The following CERS6 variants were observed in gnomAD, a reference collection of about 807,000 sequenced individuals.
The protein encoded by CERS6 is ceramide synthase 6, also known as LAG1 homolog, ceramide synthase 6.
CERS6 carries 26 observed loss-of-function variants against 56.8 expected under a neutral mutation model. The ratio of observed to expected loss-of-function variants is 0.46; its 90% CI spans 0.34 to 0.63. CERS6 has a LOEUF of 0.63. CERS6 is among the 30% of genes least tolerant of loss of function. The pLI, the probability that CERS6 is intolerant of heterozygous loss-of-function variation, is 0.01. For synonymous variants in CERS6, 164 were observed against 173.3 expected, an observed-to-expected ratio of 0.95 and a Z score of 0.42; for missense variants, 415 against 467.5, an observed-to-expected ratio of 0.89 and a Z score of 1.04.
intron 1 of CERS6, among the ~76,000 whole-genome samples, chr2:168,533,514 T>C (rs1695204413): frequency 6.6e-6 from 1 of 152,224 alleles, no homozygotes; most frequent in South Asian, 2.1e-4. Context: ...GGCATCCTTG[T>C]CTTGTGCCCA....
chr2:168,706,043 G>A (rs145003955), intron 6 of CERS6, among the ~76,000 whole-genome samples: 110 of 152,284 alleles, frequency 7.2e-4, no homozygotes, highest in African/African-American at 2.2e-3. Context: ...TTGTGATTTA[G>A]CAAGGCTCGT....
At chr2:168,528,114 T>A (rs1476440723) in intron 1 of CERS6, among the ~76,000 whole-genome samples, 1 of 152,192 alleles carries the variant, frequency 6.6e-6, no homozygotes, top group African/African-American at 2.4e-5. Flanking sequence ...CTTCCAACAC[T>A]GTTCCATTGG....
intron 4 of CERS6, chr2:168,644,261 A>T (rs1210042468): frequency 2.1e-6 from 2 of 969,768 alleles, no homozygotes; most frequent in Non-Finnish European, 2.5e-6. Flanking sequence ...GTGACTGAGG[A>T]TGAAGGAAGC....
rs1684941530 is a variant in CERS6, at chr2:168,774,265, T to A, written c.*4603T>A. On this transcript the variant is annotated 3_prime_UTR_variant, in exon 10 of 10. Transcript: ENST00000305747. Reference sequence around the variant, plus strand: ...GGACCGTTAAGATCTGTCTTGCTTATCTCATGCACTCACATTCCTTCAGCC... The same window carrying A: ...GGACCGTTAAGATCTGTCTTGCTTAACTCATGCACTCACATTCCTTCAGCC... 2 of 152,232 alleles carry A rather than the reference T, an allele frequency of 1.3e-5. No homozygotes were observed. 9.4% of individuals were successfully genotyped at this position (152,232 alleles called of 1,614,324 possible).
chr2:168,488,710 TA>T (rs1366061573), intron 1 of CERS6, among the ~76,000 whole-genome samples: 4 of 152,092 alleles, frequency 2.6e-5, no homozygotes, highest in East Asian at 1.9e-4. Context: ...TTGCTATCTT[TA>T]AAAAAATTTT....
intron 4 of CERS6, among the ~76,000 whole-genome samples, chr2:168,638,536 G>T (rs952010012): frequency 2.6e-5 from 4 of 151,096 alleles, no homozygotes; most frequent in Admixed American, 6.6e-5. Flanking sequence ...GATTTTTTTT[G>T]AAGCTAATTT....
At chr2:168,660,984 G>A (rs888170577) in intron 4 of CERS6, among the ~76,000 whole-genome samples, 1 of 151,912 alleles carries the variant, frequency 6.6e-6, no homozygotes, top group Non-Finnish European at 1.5e-5. Context: ...AAAGAAGTGT[G>A]CATTTTATGT....
chr2:168,755,781 T>C (rs1684399535), intron 8 of CERS6, among the ~76,000 whole-genome samples: 1 of 152,178 alleles, frequency 6.6e-6, no homozygotes, highest in Non-Finnish European at 1.5e-5. Flanking sequence ...TACTTGTCAG[T>C]GGAGTCCCTC....
intron 8 of CERS6, among the ~76,000 whole-genome samples, chr2:168,721,674 A>C (rs1683174222): frequency 6.7e-6 from 1 of 150,180 alleles, no homozygotes. Context: ...GCTGGGCTAC[A>C]GTGATGCCAT....
At chr2:168,645,040 G>A (rs1332700461) in intron 4 of CERS6, among the ~76,000 whole-genome samples, 4 of 132,764 alleles carry the variant, frequency 3.0e-5, no homozygotes, top group Non-Finnish European at 6.3e-5. Context: ...GCAGTGAGCC[G>A]AGATCACACC....
chr2:168,659,587 C>T (rs982100390), intron 4 of CERS6, among the ~76,000 whole-genome samples: 1 of 152,172 alleles, frequency 6.6e-6, no homozygotes, highest in Non-Finnish European at 1.5e-5. Flanking sequence ...TATTTCCCAT[C>T]TCTTCAATGT....
At chr2:168,520,128 T>C (rs994071615) in intron 1 of CERS6, among the ~76,000 whole-genome samples, 1 of 152,192 alleles carries the variant, frequency 6.6e-6, no homozygotes, top group Non-Finnish European at 1.5e-5. Context: ...CCATTGTGTC[T>C]GGTGTGAGAT....
chr2:168,576,943 G>A (rs1203466923), intron 3 of CERS6, among the ~76,000 whole-genome samples: 3 of 152,160 alleles, frequency 2.0e-5, no homozygotes, highest in East Asian at 1.9e-4. Flanking sequence ...TTGAGGAAGC[G>A]TGAGGGAGGA....
chr2:168,510,652 G>A (rs1694762521), intron 1 of CERS6, among the ~76,000 whole-genome samples: 2 of 152,166 alleles, frequency 1.3e-5, no homozygotes, highest in South Asian at 2.1e-4. Context: ...AAAACCAAGA[G>A]CTATGATTAC....
intron 8 of CERS6, among the ~76,000 whole-genome samples, chr2:168,719,833 G>T (rs925482726): frequency 4.0e-5 from 6 of 151,598 alleles, no homozygotes; most frequent in Non-Finnish European, 8.8e-5. Flanking sequence ...AGGCTTTATA[G>T]TAATACAATA....
At chr2:168,659,658 G>A (rs1482154365) in intron 4 of CERS6, among the ~76,000 whole-genome samples, 1 of 151,550 alleles carries the variant, frequency 6.6e-6, no homozygotes, top group Non-Finnish European at 1.5e-5. Context: ...TATAACACCC[G>A]TTTGATCATA....
intron 6 of CERS6, among the ~76,000 whole-genome samples, chr2:168,702,089 T>C (rs568958491): frequency 4.6e-5 from 7 of 152,316 alleles, no homozygotes; most frequent in Admixed American, 2.6e-4. Flanking sequence ...TATATTTATA[T>C]AGATACAACC....
chr2:168,541,104 G>A (rs760337450), intron 1 of CERS6, among the ~76,000 whole-genome samples: 1 of 106,358 alleles, frequency 9.4e-6, no homozygotes, highest in Non-Finnish European at 2.0e-5. Flanking sequence ...AGAGAGGCAG[G>A]GAGAGGTGCC....
intron 2 of CERS6, among the ~76,000 whole-genome samples, chr2:168,554,339 A>G (rs763311865): frequency 5.3e-5 from 8 of 152,236 alleles, no homozygotes; most frequent in East Asian, 1.9e-4. Context: ...CCCAAAATGT[A>G]TACATTGAAG....
Sources: gnomAD v4.1 joint callset for allele counts (sites outside exome capture counted in the v4.1 genomes callset) on GRCh38, gnomAD v4.1.1 for gene constraint, MANE v1.5 for transcripts, NCBI Gene and HGNC (gene_info 2026-07-23, HGNC 2026-07-21) for gene names.